LRCH4: variants seen among roughly 807,000 people sequenced by gnomAD.
The protein encoded by LRCH4 is leucine-rich repeat and calponin homology domain-containing protein 4.
In LRCH4, 56 loss-of-function variants were observed where a neutral mutation model predicts 81.2. That is an observed-to-expected ratio of 0.69 (90% CI 0.56 to 0.86). LRCH4 has a LOEUF of 0.86. LRCH4 is among the 40% of genes least tolerant of loss of function. The pLI is 0.00. For synonymous variants in LRCH4, 442 were observed against 409.7 expected (o/e 1.08, Z -0.95); for missense variants, 895 against 922.8 (o/e 0.97, Z 0.39).
chr7:100,576,334 AAG>A lies in LRCH4; in HGVS notation c.1553-13_1553-12del. 1 of 1,608,776 alleles carries A rather than the reference AAG, an allele frequency of 6.2e-7. No homozygotes were observed. The highest frequency in any genetic ancestry group is 8.5e-7 in the Non-Finnish European group (1 of 1,175,492). On this transcript the variant is annotated splice_polypyrimidine_tract_variant and intron_variant, in intron 14 of 17. Coordinates refer to ENST00000310300, the MANE Select transcript of LRCH4 (RefSeq NM_002319.5). ...CTGGTGAGGAAGGGCCTAGGAGAAAAAGGGGGGCATGGGGCTGCCTCCACTGC... is the reference window on the plus strand; with the variant it reads ...CTGGTGAGGAAGGGCCTAGGAGAAAAGGGGGCATGGGGCTGCCTCCACTGC...
intron 1 of LRCH4, chr7:100,584,577 T>C: frequency 5.0e-6 from 2 of 401,490 alleles, no homozygotes; most frequent in East Asian, 7.3e-5. Context: ...AGACAGTGAG[T>C]GTCACACAGC....
Position 100,578,925 on chromosome 7 carries a change from C to T in LRCH4, c.599-139G>A. 1 of 788,974 alleles carries T rather than the reference C, an allele frequency of 1.3e-6. No homozygotes were observed. The highest frequency in any genetic ancestry group is 2.9e-5 in the Admixed American group (1 of 34,944). 48.9% of individuals were successfully genotyped at this position (788,974 alleles called of 1,614,324 possible). ...TCCCCTGGGTGGCTCAAGTCATTCC[C>T]CGGGAGAAACCTCCCTGCTCCTCTC... On this transcript the variant is annotated intron_variant, in intron 4 of 17. Transcript: ENST00000310300. The surrounding 1 kb of genome is among the most constrained non-coding windows in gnomAD (Gnocchi z 5.7).
chr7:100,581,314 T>C (rs1435773941), intron 4 of LRCH4, among the ~76,000 whole-genome samples: 2 of 152,220 alleles, frequency 1.3e-5, no homozygotes, highest in East Asian at 1.9e-4. Context: ...GCCTGGACAA[T>C]GAAGGTGTAA....
In LRCH4 at chr7:100,575,261, C is replaced by A; in HGVS notation, c.1898G>T (p.Arg633Leu). The change falls in exon 18 of 18, where the codon CGG (arginine) becomes CTG (leucine). Residue 633 changes from arginine to leucine, a missense_variant. This residue lies in a region of LRCH4 where 529 missense variants were observed against 504.9 expected (regional missense o/e 1.05). Coordinates refer to ENST00000310300, the MANE Select transcript of LRCH4 (RefSeq NM_002319.5). This position sits in a 1 kb window ranked among gnomAD's most constrained non-coding sequence, Gnocchi z 5.3. ...GGCCTCCAGCGCGGTCCGCAGCCCCCGGGCAGTGCCCTGGAGGAGATCCGA... is the reference window on the plus strand; with the variant it reads ...GGCCTCCAGCGCGGTCCGCAGCCCCAGGGCAGTGCCCTGGAGGAGATCCGA... The part of the protein sequence containing the change: ...SPSDLLQGTA[R>L]GLRTALEAVK... The A allele has an allele frequency of 6.3e-7, 1 of 1,579,202 alleles. No homozygotes were observed. Among genetic ancestry groups the A allele is most frequent in the Non-Finnish European group, 8.6e-7 (1 of 1,161,572 alleles).
At position 100,577,571 on chromosome 7, in the gene LRCH4, C is replaced by T. The variant is rs977455442; in HGVS notation, c.1117-13G>A. 2 of 1,611,332 alleles carry T rather than the reference C, an allele frequency of 1.2e-6. No individual in the cohort carries two copies. Among genetic ancestry groups the T allele is most frequent in the South Asian group, 1.1e-5 (1 of 91,088 alleles). On this transcript the variant is annotated splice_polypyrimidine_tract_variant and intron_variant, in intron 9 of 17. Coordinates refer to ENST00000310300, the MANE Select transcript of LRCH4 (RefSeq NM_002319.5). This position sits in a 1 kb window ranked among gnomAD's most constrained non-coding sequence, Gnocchi z 6.7. Reference sequence around the variant, plus strand: ...GTGGTCGCTGCTCCTAAGGAGAGAACAGCAGAGCAGCTGAGGGCAGGCCTG... The same window carrying T: ...GTGGTCGCTGCTCCTAAGGAGAGAATAGCAGAGCAGCTGAGGGCAGGCCTG...
At chr7:100,576,046 G>A in intron 15 of LRCH4, 38 bp from the exon 16 acceptor site, 2 of 1,578,050 alleles carry the variant, frequency 1.3e-6, no homozygotes, top group Non-Finnish European at 1.7e-6. Context: ...GGTCAGGGAA[G>A]GAGAGGCGTC....
rs535611537 is a variant in LRCH4, at chr7:100,583,414, C to G, written c.221-955G>C. On this transcript the variant is annotated intron_variant, in intron 1 of 17. Transcript: ENST00000310300. The surrounding 1 kb of genome is among the most constrained non-coding windows in gnomAD (Gnocchi z 4.3). ...AACGGCTTAGACCTGGAGAAGCCTG[C>G]CTTTCTGTTTCCTCGGCCCAGCCTG... Among the ~76,000 whole-genome samples, 1 of 152,176 alleles carries G rather than the reference C, an allele frequency of 6.6e-6. No homozygotes were observed. The highest frequency in any genetic ancestry group is 1.5e-5 in the Non-Finnish European group (1 of 68,024).
rs536211903 is a variant in LRCH4 at position 100,581,762 on chromosome 7, C to A, written c.598+15G>T. Reference sequence around the variant, plus strand: ...ACATACAAACACCTCCTCTCCAGTTCTTCATTCTTCTCACCTTCGGGCAGC... The same window carrying A: ...ACATACAAACACCTCCTCTCCAGTTATTCATTCTTCTCACCTTCGGGCAGC... On this transcript the variant is annotated intron_variant, in intron 4 of 17. Transcript: ENST00000310300. 6.2e-7 allele frequency: 1 copy of A among 1,613,038 alleles called. No homozygotes were observed. The highest frequency in any genetic ancestry group is 1.3e-5 in the African/African-American group (1 of 75,030).
Position 100,582,557 on chromosome 7 carries a change from C to T in LRCH4, c.221-98G>A. 1.6e-6 allele frequency: 2 copies of T among 1,235,000 alleles called. No individual in the cohort carries two copies. Among genetic ancestry groups the T allele is most frequent in the South Asian group, 1.3e-5 (1 of 74,628 alleles). 76.5% of individuals were successfully genotyped at this position (1,235,000 alleles called of 1,614,324 possible). On this transcript the variant is annotated intron_variant, in intron 1 of 17. Coordinates refer to ENST00000310300, the MANE Select transcript of LRCH4 (RefSeq NM_002319.5). This position sits in a 1 kb window ranked among gnomAD's most constrained non-coding sequence, Gnocchi z 5.0. ...CCGGCTGCCCACTCCCTCACCTCCA[C>T]ACCTAAAGATTCAAGGCCATCAATG...
chr7:100,582,448 TC>T lies in LRCH4; in HGVS notation c.231del (p.Asn78ThrfsTer19). On this transcript the variant is annotated frameshift_variant, in exon 2 of 18. Transcript: ENST00000310300. LOFTEE classifies it high-confidence loss of function. The surrounding 1 kb of genome is among the most constrained non-coding windows in gnomAD (Gnocchi z 5.0). Reference sequence around the variant, plus strand: ...GCCTCGGGCACCTCGGGAAACCGGTTCCGGGACAGGTCTGGGGAAAAGGAGG... The same window carrying T: ...GCCTCGGGCACCTCGGGAAACCGGTTCGGGACAGGTCTGGGGAAAAGGAGG... ...LSDITQADLS[R>X]NRFPEVPEAA... 6.2e-7 allele frequency: 1 copy of T among 1,609,280 alleles called. No homozygotes were observed. Among genetic ancestry groups the T allele is most frequent in the Non-Finnish European group, 8.5e-7 (1 of 1,179,876 alleles).
rs1173360817 is a variant in LRCH4, at chr7:100,577,595, T to C, written c.1117-37A>G. ...ACAGCAGAGCAGCTGAGGGCAGGCC[T>C]GTGCCCACGCCTGCCCTGTCCCCTC... On this transcript the variant is annotated intron_variant, in intron 9 of 17. Transcript: ENST00000310300. This position sits in a 1 kb window ranked among gnomAD's most constrained non-coding sequence, Gnocchi z 6.7. The C allele has an allele frequency of 6.2e-7, 1 of 1,610,934 alleles. No individual in the cohort carries two copies. Among genetic ancestry groups the C allele is most frequent in the African/African-American group, 1.3e-5 (1 of 74,894 alleles).
chr7:100,575,357 G>A lies in LRCH4; in HGVS notation c.1855-53C>T, dbSNP rs1170606521. On this transcript the variant is annotated intron_variant, in intron 17 of 17. Coordinates refer to ENST00000310300, the MANE Select transcript of LRCH4 (RefSeq NM_002319.5). The surrounding 1 kb of genome is among the most constrained non-coding windows in gnomAD (Gnocchi z 5.3). ...GGACAAGGGACAGACGTCAGCAGCA[G>A]CAGCAGGACAGTCCCTCCCACCCCT... 4 of 1,460,644 alleles carry A rather than the reference G, an allele frequency of 2.7e-6. No homozygotes were observed. The highest frequency in any genetic ancestry group is 2.6e-5 in the South Asian group (2 of 77,418). 90.5% of individuals were successfully genotyped at this position (1,460,644 alleles called of 1,614,324 possible). A position where few individuals can be genotyped will look rare whatever the true frequency, so the allele number is the denominator to read the frequency against.
At position 100,582,386 on chromosome 7, in the gene LRCH4, G is replaced by A; in HGVS notation, c.294C>T (p.Leu98=). The change falls in exon 2 of 18, where the codon CTC becomes CTT. Residue 98 remains leucine (L), a synonymous_variant. Coordinates refer to ENST00000310300, the MANE Select transcript of LRCH4 (RefSeq NM_002319.5). The surrounding 1 kb of genome is among the most constrained non-coding windows in gnomAD (Gnocchi z 5.0). ...TCAGGCATCTCAGGCAATTGTGGTAGAGGCTCAGGCCCTCCAGGGACACCA... is the reference window on the plus strand; with the variant it reads ...TCAGGCATCTCAGGCAATTGTGGTAAAGGCTCAGGCCCTCCAGGGACACCA... The part of the protein sequence containing the change: ...CQLVSLEGLS[L]YHNCLRCLNP... 6.2e-7 allele frequency: 1 copy of A among 1,614,050 alleles called. No homozygotes were observed. The highest frequency in any genetic ancestry group is 8.5e-7 in the Non-Finnish European group (1 of 1,180,032).
At position 100,576,486 on chromosome 7, in the gene LRCH4, A is replaced by G. The variant is rs530809385; in HGVS notation, c.1553-163T>C. The stretch of plus-strand genomic sequence containing the variant: ...GCTATGTTGCCCAGGCTGGTCTTGA[A>G]TTCCTGGGCTCAAGCGATCCTCCCA... On this transcript the variant is annotated intron_variant, in intron 14 of 17. Transcript: ENST00000310300. 9 of 670,498 alleles carry G rather than the reference A, an allele frequency of 1.3e-5. No individual in the cohort carries two copies. The South Asian group carries it at 1.7e-4, about 13-fold the overall frequency. The allele number at this position is 670,498 out of a possible 1,614,324, so 41.5% of individuals were successfully genotyped here.
intron 4 of LRCH4, chr7:100,580,287 CG>C (rs1305390837): frequency 1.3e-5 from 2 of 152,178 alleles, no homozygotes; most frequent in African/African-American, 4.8e-5. Flanking sequence ...AACCCCCTGA[CG>C]GAACTTCCCT....
chr7:100,576,949 G>T lies in LRCH4; in HGVS notation c.1421C>A (p.Pro474His), dbSNP rs750778260. 5 of 1,580,296 alleles carry T rather than the reference G, an allele frequency of 3.2e-6. No homozygotes were observed. The highest frequency in any genetic ancestry group is 4.3e-6 in the Non-Finnish European group (5 of 1,161,498). Reference sequence around the variant, plus strand: ...CTCTTGGGAGGCAGGGGCAGGGGCGGGGGCTCCCTGCCCCGCTGCAGCCCC... The same window carrying T: ...CTCTTGGGAGGCAGGGGCAGGGGCGTGGGCTCCCTGCCCCGCTGCAGCCCC... ...QAGAAAGQGA[P>H]APAPASQEPL... The change falls in exon 13 of 18, where the codon CCC becomes CAC. Residue 474 changes from proline to histidine, a missense_variant. Pro to His is a moderately conservative substitution (Grantham distance 77). Around this residue, in one of 3 missense-constraint regions of LRCH4, gnomAD observed 529 missense variants for 504.9 expected, o/e 1.05. Coordinates refer to ENST00000310300, the MANE Select transcript of LRCH4 (RefSeq NM_002319.5).
In LRCH4 at chr7:100,575,172, C is replaced by T. The variant is rs377536480; in HGVS notation, c.1987G>A (p.Val663Ile). ...AGCATGAGGACCACGTAGAAGACGA[C>T]GAAGCCGCCCAGACCAGAGGGGGGC... ...LWPPSGLGGFVVFYVVLMLLL... is the reference protein window; with the variant it reads ...LWPPSGLGGFIVFYVVLMLLL... The change falls in exon 18 of 18, where the codon GTC (valine) becomes ATC (isoleucine). Residue 663 changes from valine to isoleucine, a missense_variant. Around this residue, in one of 3 missense-constraint regions of LRCH4, gnomAD observed 529 missense variants for 504.9 expected, o/e 1.05. Transcript: ENST00000310300. The surrounding 1 kb of genome is among the most constrained non-coding windows in gnomAD (Gnocchi z 5.3). 50 of 1,613,356 alleles carry T rather than the reference C, an allele frequency of 3.1e-5. No homozygotes were observed. Among genetic ancestry groups the T allele is most frequent in the East Asian group, 1.3e-4 (6 of 44,860 alleles).
chr7:100,575,645 C>T lies in LRCH4; in HGVS notation c.1854+60G>A, dbSNP rs1296651554. On this transcript the variant is annotated intron_variant, in intron 17 of 17. Coordinates refer to ENST00000310300, the MANE Select transcript of LRCH4 (RefSeq NM_002319.5). This position sits in a 1 kb window ranked among gnomAD's most constrained non-coding sequence, Gnocchi z 5.3. ...CCGCTGCAAATGGAAGCCCACCATCCATGCCACATGCTCGGCTGAGTCCGG... is the reference window on the plus strand; with the variant it reads ...CCGCTGCAAATGGAAGCCCACCATCTATGCCACATGCTCGGCTGAGTCCGG... The T allele has an allele frequency of 6.3e-7, 1 of 1,581,824 alleles. No individual in the cohort carries two copies. The highest frequency in any genetic ancestry group is 8.7e-7 in the Non-Finnish European group (1 of 1,150,468).
intron 1 of LRCH4, among the ~76,000 whole-genome samples, chr7:100,584,490 G>A (rs1801660107): frequency 6.6e-6 from 1 of 151,976 alleles, no homozygotes; most frequent in African/African-American, 2.4e-5. Context: ...AGTCCACACA[G>A]GGAGAGACAG....
Sources: allele counts gnomAD v4.1 joint callset (sites outside exome capture counted in the v4.1 genomes callset), GRCh38; gene constraint gnomAD v4.1.1; regional missense constraint gnomAD v4.1.1; non-coding constraint Gnocchi (gnomAD v3.1); transcripts MANE v1.5; gene names NCBI Gene and HGNC (gene_info 2026-07-23, HGNC 2026-07-21).